The following PRKG1 variants were observed in gnomAD, a reference collection of about 807,000 sequenced individuals.
The protein encoded by PRKG1 is protein kinase cGMP-dependent 1.
A neutral mutation model predicts 88.1 loss-of-function variants in PRKG1; 35 were observed. That is an observed-to-expected ratio of 0.40 (90% CI 0.30 to 0.53). The LOEUF (loss-of-function observed/expected upper bound fraction) is 0.53, where lower values mean the gene tolerates loss of function less well. Ranked by LOEUF, PRKG1 falls within the 20% of genes least tolerant of loss-of-function variation. PRKG1 has a pLI of 0.59. For synonymous variants in PRKG1, 303 were observed against 292.5 expected, an observed-to-expected ratio of 1.04 and a Z score of -0.37; for missense variants, 540 against 839.8, an observed-to-expected ratio of 0.64 and a Z score of 4.41.
At chr10:51,247,704 G>A (rs1038004606) in intron 2 of PRKG1, among the ~76,000 whole-genome samples, 10 of 151,970 alleles carry the variant, frequency 6.6e-5, no homozygotes, top group African/African-American at 2.4e-4. Context: ...CAATGAATGA[G>A]CAAATGGAGC....
intron 3 of PRKG1, among the ~76,000 whole-genome samples, chr10:51,546,196 G>A (rs1377326422): frequency 4.6e-5 from 7 of 151,944 alleles, no homozygotes; most frequent in Non-Finnish European, 1.5e-5. Context: ...GACAACAGTG[G>A]CATAAGTTCC....
At chr10:51,236,011 T>C (rs1220463816) in intron 2 of PRKG1, among the ~76,000 whole-genome samples, 1 of 152,176 alleles carries the variant, frequency 6.6e-6, no homozygotes, top group Non-Finnish European at 1.5e-5. Context: ...TTAGAGTTTC[T>C]GGTGTAGCTG....
chr10:51,831,107 A>G (rs1384948294), intron 4 of PRKG1, among the ~76,000 whole-genome samples: 6 of 152,102 alleles, frequency 3.9e-5, no homozygotes, highest in Non-Finnish European at 8.8e-5. Flanking sequence ...GATCTTAGTG[A>G]CAACTTTGAT....
intron 7 of PRKG1, among the ~76,000 whole-genome samples, chr10:52,112,477 C>T (rs1847586183): frequency 1.3e-5 from 2 of 151,904 alleles, no homozygotes; most frequent in African/African-American, 4.8e-5. Context: ...TTTCATGGAC[C>T]CAAGGTTCAT....
chr10:52,146,793 G>A (rs886816705), intron 8 of PRKG1, among the ~76,000 whole-genome samples: 7 of 152,116 alleles, frequency 4.6e-5, no homozygotes, highest in African/African-American at 1.7e-4. Context: ...GAAATATGCA[G>A]TATTAGAATT....
chr10:51,878,250 A>ATGTGTGTGTGTGTG (rs57901574), intron 4 of PRKG1, among the ~76,000 whole-genome samples: 89 of 150,968 alleles, frequency 5.9e-4, no homozygotes, highest in African/African-American at 2.0e-3. Context: ...GTGTGAATAT[A>ATGTGTGTGTGTGTG]TGTGTGTGTG....
chr10:52,176,173 CTT>C lies in PRKG1; in HGVS notation c.1076+14230_1076+14231del, dbSNP rs140722137. 8.5e-3 allele frequency among the ~76,000 whole-genome samples: 809 copies of C among 95,658 alleles called. 1 individual carries two copies. The highest frequency in any genetic ancestry group is 0.014 in the African/African-American group (375 of 26,498). 62.8% of individuals were successfully genotyped at this position (95,658 alleles called of 152,430 possible). On this transcript the variant is annotated intron_variant, in intron 9 of 17. Coordinates refer to ENST00000373980, the MANE Select transcript of PRKG1 (RefSeq NM_006258.4). Reference sequence around the variant, plus strand: ...TCGATTTTGAGTTTTTTCTTTTTCTCTTTTTTTTTTTTTTTTTTTTTGTAGGG... The same window carrying C: ...TCGATTTTGAGTTTTTTCTTTTTCTCTTTTTTTTTTTTTTTTTTTGTAGGG...
chr10:51,453,472 ACTT>A (rs1376383328), intron 2 of PRKG1, among the ~76,000 whole-genome samples: 1 of 151,942 alleles, frequency 6.6e-6, no homozygotes, highest in East Asian at 1.9e-4. Context: ...TCCCCTTAGC[ACTT>A]CTTTTGCTGT....
intron 8 of PRKG1, among the ~76,000 whole-genome samples, chr10:52,160,110 G>A (rs1409122284): frequency 1.3e-5 from 2 of 151,774 alleles, no homozygotes; most frequent in Non-Finnish European, 2.9e-5. Context: ...AAATTAGCCA[G>A]ATATTATCTA....
chr10:51,947,104 G>A (rs1262509167), intron 5 of PRKG1, among the ~76,000 whole-genome samples: 3 of 152,042 alleles, frequency 2.0e-5, no homozygotes, highest in Middle Eastern at 3.2e-3. Flanking sequence ...CTTGAGCTGT[G>A]GTGGGCTCCA....
intron 9 of PRKG1, chr10:52,185,221 TA>T (rs1425360445): frequency 6.6e-6 from 1 of 152,128 alleles, no homozygotes; most frequent in Non-Finnish European, 1.5e-5. Flanking sequence ...AAGCATTGGG[TA>T]AACATGACCA....
intron 3 of PRKG1, among the ~76,000 whole-genome samples, chr10:51,617,618 G>C (rs1839094505): frequency 6.6e-6 from 1 of 152,134 alleles, no homozygotes; most frequent in African/African-American, 2.4e-5. Context: ...ACAGTAACGT[G>C]CTCTATAGGT....
intron 2 of PRKG1, among the ~76,000 whole-genome samples, chr10:51,408,406 G>T (rs115613038): frequency 0.019 from 2,910 of 152,312 alleles, 90 homozygotes; most frequent in African/African-American, 0.066. Context: ...ATGCTGTATG[G>T]AATACCACAG....
At chr10:51,607,104 G>C (rs368368686) in intron 3 of PRKG1, among the ~76,000 whole-genome samples, 1 of 152,172 alleles carries the variant, frequency 6.6e-6, no homozygotes, top group Non-Finnish European at 1.5e-5. Context: ...TTTGCCACCG[G>C]CATCCTATGT....
intron 3 of PRKG1, among the ~76,000 whole-genome samples, chr10:51,787,451 A>T (rs1188055152): frequency 6.6e-6 from 1 of 152,094 alleles, no homozygotes. Context: ...AGGACCAGGG[A>T]TGGGCAGGGA....
chr10:51,574,613 T>A (rs907501641), intron 3 of PRKG1, among the ~76,000 whole-genome samples: 2 of 151,970 alleles, frequency 1.3e-5, no homozygotes, highest in African/African-American at 4.8e-5. Context: ...AGTGTTACTG[T>A]TAGCTAGTTG....
intron 3 of PRKG1, among the ~76,000 whole-genome samples, chr10:51,490,605 T>G (rs1406746210): frequency 6.6e-6 from 1 of 152,154 alleles, no homozygotes; most frequent in Admixed American, 6.6e-5. Flanking sequence ...CTGTCACTCC[T>G]AATAAGGAGC....
chr10:51,905,406 T>A (rs1177955836), intron 4 of PRKG1, among the ~76,000 whole-genome samples: 2 of 152,146 alleles, frequency 1.3e-5, no homozygotes, highest in African/African-American at 4.8e-5. Flanking sequence ...GAGAGCATTA[T>A]TGTTTCTTTT....
chr10:51,142,019 A>T (rs767412468), intron 1 of PRKG1, among the ~76,000 whole-genome samples: 7 of 152,116 alleles, frequency 4.6e-5, no homozygotes, highest in Admixed American at 3.3e-4. Context: ...TCAAATACAG[A>T]TCTCCATCCA....
Sources: gnomAD v4.1 joint callset for allele counts (sites outside exome capture counted in the v4.1 genomes callset) on GRCh38, gnomAD v4.1.1 for gene constraint, MANE v1.5 for transcripts, NCBI Gene and HGNC (gene_info 2026-07-23, HGNC 2026-07-21) for gene names.